SRGAP3: variants seen among roughly 807,000 people sequenced by gnomAD.
SRGAP3 encodes the protein SLIT-ROBO Rho GTPase activating protein 3, also known as SLIT-ROBO Rho GTPase-activating protein 3.
A neutral mutation model predicts 121.1 loss-of-function variants in SRGAP3; 39 were observed. The ratio of observed to expected loss-of-function variants is 0.32; its 90% CI spans 0.25 to 0.42. The LOEUF is 0.42. SRGAP3 is among the 10% of genes least tolerant of loss of function. The pLI is 1.00. For missense variants in SRGAP3, 1,213 were observed against 1,470.6 expected (o/e 0.82, Z 2.86); for synonymous variants, 601 against 570.0 (o/e 1.05, Z -0.77).
intron 14 of SRGAP3, among the ~76,000 whole-genome samples, chr3:9,023,008 A>G (rs1944001159): frequency 6.6e-6 from 1 of 152,186 alleles, no homozygotes; most frequent in South Asian, 2.1e-4. Flanking sequence ...CTGACCTTAG[A>G]AAATCACATT....
In SRGAP3 at chr3:9,270,332, C is replaced by T. The variant is rs562722081; in HGVS notation, n.442+55678G>A. Among the ~76,000 whole-genome samples, 41 of 152,282 alleles carry T rather than the reference C, an allele frequency of 2.7e-4. No individual in the cohort carries two copies. The South Asian group carries it at 8.5e-3, about 32-fold the overall frequency. On this transcript the variant is annotated intron_variant and non_coding_transcript_variant, in intron 3 of 3. Coordinates refer to the SRGAP3 transcript ENST00000490889. ...TATGTGTATCAAAAGAGTCAATCCT[C>T]TCTGCTTCCTTTAATGTAAAATTCA... is the stretch of plus-strand genomic sequence containing the variant.
intron 3 of SRGAP3, among the ~76,000 whole-genome samples, chr3:9,276,087 A>G (rs1343404138): frequency 3.3e-5 from 5 of 152,188 alleles, no homozygotes; most frequent in Non-Finnish European, 7.3e-5. Flanking sequence ...GGTTATAAAC[A>G]TGTATTGAAT....
intron 12 of SRGAP3, among the ~76,000 whole-genome samples, chr3:9,031,503 T>TC (rs901289930): frequency 6.6e-6 from 1 of 152,170 alleles, no homozygotes; most frequent in African/African-American, 2.4e-5. Context: ...CCCTGGGCAG[T>TC]CCCAACTTGG....
intron 2 of SRGAP3, among the ~76,000 whole-genome samples, chr3:9,108,880 A>C (rs953649541): frequency 6.6e-6 from 1 of 152,104 alleles, no homozygotes; most frequent in Admixed American, 6.5e-5. Context: ...GACTTGAGAG[A>C]TTTCTCAACA....
chr3:9,185,769 G>A (rs147694844), intron 1 of SRGAP3, among the ~76,000 whole-genome samples: 40 of 152,048 alleles, frequency 2.6e-4, no homozygotes, highest in African/African-American at 8.7e-4. Context: ...ACTCCTGGGC[G>A]TAAGTGATCC....
intron 11 of SRGAP3, 49 bp downstream of exon 11, chr3:9,038,014 T>A: frequency 1.2e-6 from 2 of 1,613,688 alleles, no homozygotes; most frequent in African/African-American, 2.7e-5. Context: ...CCCATCCCAC[T>A]CCCACCTCGG....
At chr3:9,117,118 C>A (rs1191081894) in intron 2 of SRGAP3, among the ~76,000 whole-genome samples, 2 of 152,216 alleles carry the variant, frequency 1.3e-5, no homozygotes, top group Admixed American at 1.3e-4. Flanking sequence ...TGATACCAAT[C>A]GCAGTAATAG....
At chr3:9,138,731 A>G (rs1949750293) in intron 1 of SRGAP3, among the ~76,000 whole-genome samples, 1 of 152,174 alleles carries the variant, frequency 6.6e-6, no homozygotes, top group Non-Finnish European at 1.5e-5. Context: ...CAAAACTTAG[A>G]TACACAACGC....
intron 5 of SRGAP3, among the ~76,000 whole-genome samples, chr3:9,063,749 A>G (rs1032020193): frequency 6.6e-6 from 1 of 152,176 alleles, no homozygotes; most frequent in African/African-American, 2.4e-5. Context: ...TGCCACTCCT[A>G]TCAGATTTGA....
intron 2 of SRGAP3, among the ~76,000 whole-genome samples, chr3:9,110,560 T>C (rs1948587189): frequency 6.6e-6 from 1 of 152,230 alleles, no homozygotes; most frequent in Admixed American, 6.5e-5. Flanking sequence ...CCTCCCCTCC[T>C]GCTTCCCTAA....
intron 1 of SRGAP3, among the ~76,000 whole-genome samples, chr3:9,356,841 A>G (rs1237078709): frequency 6.6e-6 from 1 of 152,236 alleles, no homozygotes; most frequent in East Asian, 1.9e-4. Flanking sequence ...AAAGATAGGC[A>G]TTAAATAACA....
intron 1 of SRGAP3, among the ~76,000 whole-genome samples, chr3:9,137,260 C>T (rs1949699738): frequency 2.0e-5 from 3 of 152,112 alleles, no homozygotes; most frequent in Non-Finnish European, 1.5e-5. Flanking sequence ...CGCCACCTCA[C>T]GATTATTCAG....
chr3:9,182,487 C>G (rs1047455358), intron 1 of SRGAP3, among the ~76,000 whole-genome samples: 2 of 152,088 alleles, frequency 1.3e-5, no homozygotes, highest in African/African-American at 4.8e-5. Flanking sequence ...CCAGAGCCAA[C>G]AGGGAGAGCG....
chr3:9,028,780 C>T (rs926939897), intron 12 of SRGAP3, among the ~76,000 whole-genome samples: 2 of 152,204 alleles, frequency 1.3e-5, no homozygotes, highest in African/African-American at 4.8e-5. Flanking sequence ...GCTTTGCTCT[C>T]CTTCCTCCCC....
chr3:9,064,263 C>G, intron 5 of SRGAP3, 133 bp downstream of exon 5: 1 of 1,219,612 alleles, frequency 8.2e-7, no homozygotes, highest in Non-Finnish European at 1.2e-6. Flanking sequence ...TACATTGTCC[C>G]ATCCCCCCTA....
At chr3:9,210,114 G>A (rs976172836) in intron 1 of SRGAP3, among the ~76,000 whole-genome samples, 11 of 152,148 alleles carry the variant, frequency 7.2e-5, no homozygotes, top group African/African-American at 2.7e-4. Context: ...AATCTATAGA[G>A]GCAGAAAATA....
intron 3 of SRGAP3, among the ~76,000 whole-genome samples, chr3:9,297,917 G>C (rs1954979622): frequency 6.6e-6 from 1 of 151,778 alleles, no homozygotes; most frequent in South Asian, 2.1e-4. Flanking sequence ...AAGAGAAAGA[G>C]AGTATGAAAA....
intron 3 of SRGAP3, among the ~76,000 whole-genome samples, chr3:9,291,415 GA>G (rs1954866781): frequency 6.6e-6 from 1 of 152,188 alleles, no homozygotes; most frequent in East Asian, 1.9e-4. Context: ...TGCTGTACAG[GA>G]TTTCGTTATA....
intron 3 of SRGAP3, among the ~76,000 whole-genome samples, chr3:9,260,348 T>C (rs2648512): frequency 0.64 from 96,542 of 151,976 alleles, 31,637 homozygotes; most frequent in Non-Finnish European, 0.71. Context: ...GCCGAGTGAT[T>C]GTGCTAAGTG....
Sources: gnomAD v4.1 joint callset for allele counts (sites outside exome capture counted in the v4.1 genomes callset) on GRCh38, gnomAD v4.1.1 for gene constraint, MANE v1.5 for transcripts, NCBI Gene and HGNC (gene_info 2026-07-23, HGNC 2026-07-21) for gene names.